Variants in INVS observed in about 807,000 individuals in gnomAD.
The protein encoded by INVS is inversin, also known as inversion of embryo turning homolog.
In INVS, 86 loss-of-function variants were observed where a neutral mutation model predicts 108.8. That is an observed-to-expected ratio of 0.79 (90% CI 0.66 to 0.95). INVS has a LOEUF of 0.95. Ranked by LOEUF, INVS falls within the 40% of genes least tolerant of loss-of-function variation. INVS has a pLI of 0.00. For missense variants in INVS, 1,169 were observed against 1,297.4 expected (o/e 0.90, Z 1.52); for synonymous variants, 455 against 473.5 (o/e 0.96, Z 0.51).
chr9:100,176,532 A>G (rs774570667), intron 3 of INVS, among the ~76,000 whole-genome samples: 15 of 152,112 alleles, frequency 9.9e-5, no homozygotes, highest in Non-Finnish European at 1.9e-4. Flanking sequence ...GCTAGAGTGC[A>G]GTGGTGCGAT....
intron 3 of INVS, among the ~76,000 whole-genome samples, chr9:100,207,650 A>C (rs1338120): frequency 1.4e-4 from 22 of 152,162 alleles, no homozygotes; most frequent in African/African-American, 4.6e-4. Context: ...ATGTATACTT[A>C]GATGAAAACT....
At chr9:100,161,911 T>A (rs1021691145) in intron 3 of INVS, among the ~76,000 whole-genome samples, 1 of 152,088 alleles carries the variant, frequency 6.6e-6, no homozygotes, top group Non-Finnish European at 1.5e-5. Context: ...CCCCAGAAGA[T>A]AATTATCAAT....
chr9:100,247,965 C>T (rs573497909), intron 8 of INVS, among the ~76,000 whole-genome samples: 4 of 152,166 alleles, frequency 2.6e-5, no homozygotes, highest in Non-Finnish European at 4.4e-5. Flanking sequence ...GACGCCACCA[C>T]GCCCAGCTAA....
At chr9:100,197,404 C>A (rs574604246) in intron 3 of INVS, among the ~76,000 whole-genome samples, 1 of 152,202 alleles carries the variant, frequency 6.6e-6, no homozygotes, top group East Asian at 1.9e-4. Flanking sequence ...AAAACACTGA[C>A]TCTATCAAAA....
At chr9:100,148,458 A>G (rs1362626278) in intron 3 of INVS, among the ~76,000 whole-genome samples, 1 of 152,226 alleles carries the variant, frequency 6.6e-6, no homozygotes, top group African/African-American at 2.4e-5. Flanking sequence ...AGACTGGGAA[A>G]TGGCAGAAAA....
Position 100,301,136 on chromosome 9 carries a change from TTATCACACACACACACACACACACACAC to T in INVS, c.*463_*490del, listed in dbSNP as rs771798069. ...TTTCCTGGCATCTAATGCAACAAAC[TTATCACACACACACACACACACACACAC>T]ACACACACACACACATATCACGTCC... On this transcript the variant is annotated 3_prime_UTR_variant, in exon 17 of 17. Coordinates refer to ENST00000262457, the MANE Select transcript of INVS (RefSeq NM_014425.5). 1,170 of 160,974 alleles carry T rather than the reference TTATCACACACACACACACACACACACAC, an allele frequency of 7.3e-3. 8 individuals are homozygous for T. The highest frequency in any genetic ancestry group is 0.01 in the Non-Finnish European group (915 of 88,502). The allele number at this position is 160,974 out of a possible 1,614,324, so 10.0% of individuals were successfully genotyped here. A position where few individuals can be genotyped will look rare whatever the true frequency, so the allele number is the denominator to read the frequency against.
intron 3 of INVS, among the ~76,000 whole-genome samples, chr9:100,140,208 C>A (rs193055586): frequency 1.1e-3 from 162 of 152,276 alleles, no homozygotes; most frequent in Non-Finnish European, 7.2e-4. Flanking sequence ...AAAGAGACCA[C>A]CAAACAGGCT....
At chr9:100,191,152 C>A (rs13300835) in intron 3 of INVS, among the ~76,000 whole-genome samples, 1 of 152,148 alleles carries the variant, frequency 6.6e-6, no homozygotes, top group Non-Finnish European at 1.5e-5. Context: ...GCTACTGGGT[C>A]CAGCTGGTGA....
chr9:100,123,882 T>G (rs1205272351), intron 2 of INVS, among the ~76,000 whole-genome samples: 1 of 152,232 alleles, frequency 6.6e-6, no homozygotes, highest in Admixed American at 6.5e-5. Context: ...CTCAGCTCAC[T>G]GCAACCTCCA....
Position 100,284,438 on chromosome 9 carries a change from A to G in INVS, c.1903A>G (p.Arg635Gly), listed in dbSNP as rs1283286107. Residue 635 changes from arginine to glycine, a missense_variant, in exon 13 of 17, where the codon AGG becomes GGG. Around this residue, in one of 3 missense-constraint regions of INVS, gnomAD observed 533 missense variants for 536.0 expected, o/e 0.99. Coordinates refer to ENST00000262457, the MANE Select transcript of INVS (RefSeq NM_014425.5). ...CLPSTQDVPS[R>G]QSRAPSKQPP... ...GCCTAGCACCCAGGATGTGCCCAGCAGGCAGAGCCGGGCCCCCAGCAAGCA... is the reference window on the plus strand; with the variant it reads ...GCCTAGCACCCAGGATGTGCCCAGCGGGCAGAGCCGGGCCCCCAGCAAGCA... 3 of 1,614,180 alleles carry G rather than the reference A, an allele frequency of 1.9e-6. No homozygotes were observed. Among genetic ancestry groups the G allele is most frequent in the Admixed American group, 3.3e-5 (2 of 60,028 alleles).
At chr9:100,099,788 A>G (rs568659066) in intron 1 of INVS, among the ~76,000 whole-genome samples, 1 of 152,238 alleles carries the variant, frequency 6.6e-6, no homozygotes, top group African/African-American at 2.4e-5. Context: ...CGAGGATCCT[A>G]ACTTGGCCCC....
At chr9:100,140,539 C>A (rs760270964) in intron 3 of INVS, among the ~76,000 whole-genome samples, 4 of 152,086 alleles carry the variant, frequency 2.6e-5, no homozygotes, top group Non-Finnish European at 4.4e-5. Context: ...TGGATGTGTA[C>A]GTGTAGGTCA....
At chr9:100,180,898 G>T (rs1429214571) in intron 3 of INVS, among the ~76,000 whole-genome samples, 1 of 152,120 alleles carries the variant, frequency 6.6e-6, no homozygotes, top group African/African-American at 2.4e-5. Context: ...CTGGCTAACT[G>T]AATCCAGCAG....
intron 3 of INVS, among the ~76,000 whole-genome samples, chr9:100,161,126 A>C (rs1325383021): frequency 1.3e-5 from 2 of 151,988 alleles, no homozygotes; most frequent in Admixed American, 6.6e-5. Flanking sequence ...CTGTAATCCC[A>C]GCACTTTGGG....
chr9:100,222,455 G>A lies in INVS; in HGVS notation c.274-3607G>A, dbSNP rs148291490. On this transcript the variant is annotated intron_variant, in intron 3 of 16. Transcript: ENST00000262457. ...AGAGCTTTGTAATACGTAAAACAAA[G>A]TACGAGCATTGTACTGTTATCTGCT... Among the ~76,000 whole-genome samples the A allele has an allele frequency of 4.4e-3, 665 of 152,290 alleles. 3 individuals are homozygous for A. The highest frequency in any genetic ancestry group is 0.015 in the African/African-American group (639 of 41,564).
chr9:100,151,885 A>G (rs1828819208), intron 3 of INVS, among the ~76,000 whole-genome samples: 2 of 152,246 alleles, frequency 1.3e-5, no homozygotes, highest in Non-Finnish European at 1.5e-5. Context: ...TTACATGACT[A>G]TAACTGTTGA....
chr9:100,165,418 C>T (rs775726347), intron 3 of INVS, among the ~76,000 whole-genome samples: 25 of 152,014 alleles, frequency 1.6e-4, no homozygotes, highest in Non-Finnish European at 3.7e-4. Flanking sequence ...TTAATTCTAC[C>T]ATCTATCCTA....
At chr9:100,167,806 A>G (rs1278524293) in intron 3 of INVS, among the ~76,000 whole-genome samples, 1 of 152,162 alleles carries the variant, frequency 6.6e-6, no homozygotes, top group Non-Finnish European at 1.5e-5. Context: ...TTCTAAAGTT[A>G]TAGCTTTAAT....
chr9:100,176,971 T>G (rs1187644943), intron 3 of INVS, among the ~76,000 whole-genome samples: 1 of 147,432 alleles, frequency 6.8e-6, no homozygotes, highest in African/African-American at 2.5e-5. Context: ...TAAGTACAAA[T>G]GAATAAAACA....
Sources: allele counts gnomAD v4.1 joint callset (sites outside exome capture counted in the v4.1 genomes callset), GRCh38; gene constraint gnomAD v4.1.1; regional missense constraint gnomAD v4.1.1; transcripts MANE v1.5; gene names NCBI Gene and HGNC (gene_info 2026-07-23, HGNC 2026-07-21).